Variants in ST7 observed in about 807,000 individuals in gnomAD.
ST7 encodes the protein suppression of tumorigenicity 7.
A neutral mutation model predicts 78.7 loss-of-function variants in ST7; 28 were observed. That is an observed-to-expected ratio of 0.36 (90% CI 0.26 to 0.49). The LOEUF (loss-of-function observed/expected upper bound fraction) is 0.49, where lower values mean the gene tolerates loss of function less well. ST7 is among the 20% of genes least tolerant of loss of function. The pLI is 0.99. For synonymous variants in ST7, 247 were observed against 249.6 expected (o/e 0.99, Z 0.10); for missense variants, 418 against 696.0 (o/e 0.60, Z 4.49).
At chr7:117,228,643 G>A (rs1001776998) in intron 15 of ST7, among the ~76,000 whole-genome samples, 1 of 152,078 alleles carries the variant, frequency 6.6e-6, no homozygotes, top group East Asian at 1.9e-4. Context: ...ACCTCTTCTC[G>A]AAGACCCACA....
chr7:116,990,711 C>T (rs1794386364), intron 1 of ST7, among the ~76,000 whole-genome samples: 1 of 152,068 alleles, frequency 6.6e-6, no homozygotes, highest in Non-Finnish European at 1.5e-5. Flanking sequence ...ATTGTAAATC[C>T]CCTTCCATAC....
At chr7:116,999,831 G>C (rs1472789745) in intron 1 of ST7, among the ~76,000 whole-genome samples, 1 of 45,752 alleles carries the variant, frequency 2.2e-5, no homozygotes, top group African/African-American at 7.8e-5. Context: ...TTTTTTTTGA[G>C]ACAGAGTCTC....
intron 1 of ST7, among the ~76,000 whole-genome samples, chr7:117,032,693 C>G (rs939031343): frequency 6.6e-6 from 1 of 152,176 alleles, no homozygotes; most frequent in Admixed American, 6.5e-5. Flanking sequence ...TGACCTGAAA[C>G]AGCATGTTAT....
At chr7:117,035,801 TTAAAAATTA>T (rs1476538554) in intron 1 of ST7, among the ~76,000 whole-genome samples, 4 of 141,990 alleles carry the variant, frequency 2.8e-5, no homozygotes, top group African/African-American at 7.5e-5. Context: ...ATTTGTAGCT[TTAAAAATTA>T]GAATCAGTCT....
intron 2 of ST7, among the ~76,000 whole-genome samples, chr7:117,105,428 G>T (rs187756259): frequency 1.3e-3 from 203 of 152,162 alleles, no homozygotes; most frequent in African/African-American, 4.7e-3. Flanking sequence ...CCACAGGTGC[G>T]TGCCATCATG....
intron 1 of ST7, among the ~76,000 whole-genome samples, chr7:117,038,105 A>G (rs1714920750): frequency 6.6e-6 from 1 of 152,236 alleles, no homozygotes; most frequent in African/African-American, 2.4e-5. Flanking sequence ...TCATTACTAA[A>G]GGTCATTCCC....
intron 12 of ST7, chr7:117,199,260 A>T (rs902575809): frequency 2.0e-5 from 3 of 152,080 alleles, no homozygotes; most frequent in Non-Finnish European, 4.4e-5. Context: ...AAATCACCAG[A>T]TGCTTTTTTC....
intron 12 of ST7, among the ~76,000 whole-genome samples, chr7:117,200,584 G>C (rs1390708254): frequency 6.6e-6 from 1 of 152,174 alleles, no homozygotes; most frequent in East Asian, 1.9e-4. Context: ...AAGAGGTAGT[G>C]GAGGGCACAA....
rs903020908 is a variant in ST7, at chr7:117,218,913, C to A, written c.1406-171C>A. The A allele has an allele frequency of 8.6e-6, 5 of 581,870 alleles. No individual in the cohort carries two copies. The Admixed American group carries it at 1.6e-4, about 18-fold the overall frequency. 36.0% of individuals were successfully genotyped at this position (581,870 alleles called of 1,614,324 possible). ...AGTGTGAGATGAATGTGTGAGTAAT[C>A]CATCACAATTTATCTCTGACATTTC... On this transcript the variant is annotated intron_variant, in intron 13 of 15. Transcript: ENST00000323984.
chr7:116,970,155 C>T (rs1388200989), intron 1 of ST7, among the ~76,000 whole-genome samples: 1 of 152,112 alleles, frequency 6.6e-6, no homozygotes, highest in Non-Finnish European at 1.5e-5. Context: ...AGGGAAAGCT[C>T]CAGGTAGGCC....
intron 9 of ST7, among the ~76,000 whole-genome samples, chr7:117,147,609 G>T (rs940499936): frequency 6.6e-6 from 1 of 151,730 alleles, no homozygotes; most frequent in African/African-American, 2.4e-5. Flanking sequence ...TATTTTGCCT[G>T]ATTAGTCTTG....
At chr7:117,217,977 A>G (rs116670638) in intron 13 of ST7, among the ~76,000 whole-genome samples, 55 of 152,358 alleles carry the variant, frequency 3.6e-4, no homozygotes, top group African/African-American at 1.3e-3. Context: ...GCTGGTTACA[A>G]TGGAACCTTG....
Position 117,136,218 on chromosome 7 carries a change from A to C in ST7, c.848A>C (p.Gln283Pro). 4 of 1,613,694 alleles carry C rather than the reference A, an allele frequency of 2.5e-6. No individual in the cohort carries two copies. Among genetic ancestry groups the C allele is most frequent in the Non-Finnish European group, 3.4e-6 (4 of 1,179,708 alleles). ...RSQQLQHHGSQYEAQHRRDTN... is the reference protein window; with the variant it reads ...RSQQLQHHGSPYEAQHRRDTN... ...CAGCAGCTACAACATCATGGATCCC[A>C]GTATGAAGCCCAACATAGTAAGGTT... is the stretch of plus-strand genomic sequence containing the variant. Residue 283 changes from glutamine (Q) to proline (P), a missense_variant, in exon 8 of 16, where the codon CAG (glutamine) becomes CCG (proline). Gln to Pro is a moderately conservative substitution (Grantham distance 76). This residue lies in a region of ST7 where 288 missense variants were observed against 537.1 expected (regional missense o/e 0.54). Coordinates refer to ENST00000323984, the MANE Select transcript of ST7 (RefSeq NM_001369598.1).
rs558603697 is a variant in ST7, at chr7:117,002,803, A to C, written c.151+49112A>C. On this transcript the variant is annotated intron_variant, in intron 1 of 15. Coordinates refer to ENST00000323984, the MANE Select transcript of ST7 (RefSeq NM_001369598.1). ...ACATGAAATTAGATGCATCTACTGA[A>C]TTTTTTTTCCTTTTTTTTTTTTTTT... Among the ~76,000 whole-genome samples, 35 of 101,182 alleles carry C rather than the reference A, an allele frequency of 3.5e-4. No individual in the cohort carries two copies. The East Asian group carries it at 8.8e-3, about 25-fold the overall frequency. The allele number at this position is 101,182 out of a possible 152,430, so 66.4% of individuals were successfully genotyped here.
chr7:117,118,376 T>C (rs1159707754), intron 2 of ST7: 1 of 152,216 alleles, frequency 6.6e-6, no homozygotes, highest in African/African-American at 2.4e-5. Context: ...GGTGTCCTGT[T>C]ATAGGATTGG....
chr7:117,098,207 C>T (rs1801266772), intron 1 of ST7, among the ~76,000 whole-genome samples: 1 of 151,470 alleles, frequency 6.6e-6, no homozygotes, highest in Non-Finnish European at 1.5e-5. Context: ...ACCAGTGTAC[C>T]CTTCAACATC....
chr7:117,228,929 C>G (rs1402745059), intron 15 of ST7, among the ~76,000 whole-genome samples: 2 of 152,176 alleles, frequency 1.3e-5, no homozygotes, highest in Non-Finnish European at 2.9e-5. Context: ...CAACAACTCT[C>G]TCTTCCCTGA....
At chr7:117,040,065 G>C (rs914886272) in intron 1 of ST7, among the ~76,000 whole-genome samples, 1 of 152,184 alleles carries the variant, frequency 6.6e-6, no homozygotes, top group African/African-American at 2.4e-5. Flanking sequence ...CTTGAGCAGG[G>C]CACTCTGCTT....
intron 1 of ST7, among the ~76,000 whole-genome samples, chr7:117,097,208 C>T (rs937661528): frequency 6.6e-6 from 1 of 152,008 alleles, no homozygotes; most frequent in African/African-American, 2.4e-5. Flanking sequence ...AAATCTTTTC[C>T]TCTATTTTAG....
Sources: allele counts gnomAD v4.1 joint callset (sites outside exome capture counted in the v4.1 genomes callset), GRCh38; gene constraint gnomAD v4.1.1; regional missense constraint gnomAD v4.1.1; transcripts MANE v1.5; gene names NCBI Gene and HGNC (gene_info 2026-07-23, HGNC 2026-07-21).